DTD1: variants seen among roughly 807,000 people sequenced by gnomAD.
DTD1 encodes D-aminoacyl-tRNA deacylase 1, also known as D-tyrosyl-tRNA deacylase 1 homolog.
DTD1 carries 13 observed loss-of-function variants against 25.6 expected under a neutral mutation model. The observed-to-expected ratio is 0.51, with a 90% confidence interval of 0.33 to 0.81. The LOEUF (loss-of-function observed/expected upper bound fraction) is 0.81. Ranked by LOEUF, DTD1 falls within the 30% of genes least tolerant of loss-of-function variation. The pLI, the probability that DTD1 is intolerant of heterozygous loss-of-function variation, is 0.02. For missense variants in DTD1, 193 were observed against 266.4 expected, an observed-to-expected ratio of 0.72 and a Z score of 1.92; for synonymous variants, 110 against 103.6, an observed-to-expected ratio of 1.06 and a Z score of -0.37.
rs189471702 is a variant in DTD1, at chr20:18,647,453, G to A, written c.477+19220G>A. Among the ~76,000 whole-genome samples the A allele has an allele frequency of 1.1e-3, 171 of 152,282 alleles. 1 individual carries two copies. Among genetic ancestry groups the A allele is most frequent in the African/African-American group, 3.6e-3 (148 of 41,556 alleles). ...AGGGAGGTTTGGTGGGGGCTTGGTC[G>A]TCAGAATAGGTGTCCCTGAGCACAG... On this transcript the variant is annotated intron_variant, in intron 4 of 5. Transcript: ENST00000377452.
intron 4 of DTD1, among the ~76,000 whole-genome samples, chr20:18,704,856 G>T (rs550499307): frequency 6.6e-6 from 1 of 152,294 alleles, no homozygotes; most frequent in East Asian, 1.9e-4. Flanking sequence ...AAGGAGATCA[G>T]GAAGCATGTC....
At chr20:18,730,442 C>T (rs964704922) in intron 4 of DTD1, among the ~76,000 whole-genome samples, 23 of 152,210 alleles carry the variant, frequency 1.5e-4, no homozygotes, top group African/African-American at 5.5e-4. Context: ...ATATTCCTTT[C>T]CTCAAACCCT....
At chr20:18,607,704 T>C (rs1301110057) in intron 3 of DTD1, among the ~76,000 whole-genome samples, 1 of 152,096 alleles carries the variant, frequency 6.6e-6, no homozygotes, top group Non-Finnish European at 1.5e-5. Context: ...AATTGTCTTT[T>C]TCTTCTTCTT....
intron 4 of DTD1, chr20:18,643,044 T>C (rs1412006516): frequency 6.2e-6 from 1 of 160,370 alleles, no homozygotes; most frequent in Non-Finnish European, 1.4e-5. Flanking sequence ...GCCTCCCCAG[T>C]AGCTGGGATT....
At chr20:18,670,329 G>A (rs1396616842) in intron 4 of DTD1, among the ~76,000 whole-genome samples, 6 of 152,278 alleles carry the variant, frequency 3.9e-5, no homozygotes, top group Middle Eastern at 3.4e-3. Context: ...GGTAGTGCAC[G>A]CCTGTAATCC....
chr20:18,739,977 C>T (rs1162032765), intron 4 of DTD1, among the ~76,000 whole-genome samples: 1 of 151,712 alleles, frequency 6.6e-6, no homozygotes, highest in Non-Finnish European at 1.5e-5. Flanking sequence ...CTGTGCCTGT[C>T]ATTTAAATAG....
chr20:18,656,992 T>G (rs1246075780), intron 4 of DTD1, among the ~76,000 whole-genome samples: 1 of 152,228 alleles, frequency 6.6e-6, no homozygotes, highest in Non-Finnish European at 1.5e-5. Context: ...CCTTTATACC[T>G]TTATTCAACT....
intron 4 of DTD1, among the ~76,000 whole-genome samples, chr20:18,710,565 G>A (rs2061154580): frequency 6.6e-6 from 1 of 152,164 alleles, no homozygotes; most frequent in Non-Finnish European, 1.5e-5. Flanking sequence ...AAACAGAATG[G>A]TGTTTAATAA....
chr20:18,681,744 G>A (rs1030824811), intron 4 of DTD1, among the ~76,000 whole-genome samples: 1 of 152,192 alleles, frequency 6.6e-6, no homozygotes, highest in African/African-American at 2.4e-5. Context: ...ATAGCTGGTA[G>A]ACCTGTCCGG....
At chr20:18,620,140 C>G (rs1329301802) in intron 3 of DTD1, 2 of 152,128 alleles carry the variant, frequency 1.3e-5, no homozygotes, top group African/African-American at 4.8e-5. Flanking sequence ...CCACATTGTC[C>G]TTTAGAGTTT....
At chr20:18,738,737 T>C (rs1348825567) in intron 4 of DTD1, among the ~76,000 whole-genome samples, 1 of 152,092 alleles carries the variant, frequency 6.6e-6, no homozygotes, top group East Asian at 1.9e-4. Flanking sequence ...AGTAGGAGAC[T>C]CCTGCCAGCA....
intron 5 of DTD1, among the ~76,000 whole-genome samples, chr20:18,762,460 A>G (rs183617520): frequency 4.2e-4 from 64 of 152,334 alleles, no homozygotes; most frequent in Admixed American, 7.8e-4. Flanking sequence ...TCCTTTGAGT[A>G]GTATTTAAAA....
intron 4 of DTD1, among the ~76,000 whole-genome samples, chr20:18,737,682 C>A (rs751703816): frequency 5.3e-5 from 8 of 152,232 alleles, no homozygotes; most frequent in Admixed American, 1.3e-4. Context: ...TGTGTCACTT[C>A]TGAGGCTTCC....
At chr20:18,697,380 A>G (rs2061082337) in intron 4 of DTD1, among the ~76,000 whole-genome samples, 1 of 152,152 alleles carries the variant, frequency 6.6e-6, no homozygotes, top group African/African-American at 2.4e-5. Context: ...TGTAATTGTC[A>G]TGAACTTTTT....
At chr20:18,675,527 A>G (rs1001515286) in intron 4 of DTD1, 14 of 152,032 alleles carry the variant, frequency 9.2e-5, no homozygotes, top group African/African-American at 1.7e-4. Context: ...GCCTGGGCAT[A>G]ATAGAGGAAA....
At chr20:18,655,176 T>C (rs942419803) in intron 4 of DTD1, among the ~76,000 whole-genome samples, 2 of 152,230 alleles carry the variant, frequency 1.3e-5, no homozygotes, top group African/African-American at 4.8e-5. Flanking sequence ...AAATGAGGTC[T>C]GGTGGGAATG....
At chr20:18,678,384 GTTC>G (rs1268391299) in intron 4 of DTD1, among the ~76,000 whole-genome samples, 5 of 152,206 alleles carry the variant, frequency 3.3e-5, no homozygotes, top group Non-Finnish European at 7.3e-5. Context: ...TCCAGAAATT[GTTC>G]TTCATATGAG....
chr20:18,678,866 C>T (rs758924421), intron 4 of DTD1: 1 of 152,106 alleles, frequency 6.6e-6, no homozygotes, highest in African/African-American at 2.4e-5. Flanking sequence ...CTCAGTATGT[C>T]GTAGGCTTAG....
At chr20:18,665,831 T>G (rs2060929447) in intron 4 of DTD1, among the ~76,000 whole-genome samples, 1 of 152,244 alleles carries the variant, frequency 6.6e-6, no homozygotes, top group Non-Finnish European at 1.5e-5. Context: ...TTTTTAAGTT[T>G]TTATTTTGAA....
Sources: gnomAD v4.1 joint callset for allele counts (sites outside exome capture counted in the v4.1 genomes callset) on GRCh38, gnomAD v4.1.1 for gene constraint, MANE v1.5 for transcripts, NCBI Gene and HGNC (gene_info 2026-07-23, HGNC 2026-07-21) for gene names.